Variants in MROH9 observed in about 807,000 individuals in gnomAD.
MROH9 encodes the protein maestro heat like repeat family member 9.
MROH9 carries 92 observed loss-of-function variants against 98.2 expected under a neutral mutation model. The ratio of observed to expected loss-of-function variants is 0.94; its 90% confidence interval spans 0.79 to 1.11. MROH9 has a LOEUF of 1.11. MROH9 is among the 50% of genes most tolerant of loss of function. The pLI is 0.00. For synonymous variants in MROH9, 397 were observed against 368.9 expected (o/e 1.08, Z -0.87); for missense variants, 1,057 against 1,014.8 (o/e 1.04, Z -0.57).
At chr1:171,023,142 C>T (rs1046522370) in intron 17 of MROH9, among the ~76,000 whole-genome samples, 1 of 152,144 alleles carries the variant, frequency 6.6e-6, no homozygotes, top group Non-Finnish European at 1.5e-5. Context: ...GTTGTTGGAG[C>T]CCAAGAGTTA....
intron 12 of MROH9, among the ~76,000 whole-genome samples, 155 bp from the exon 13 acceptor site, chr1:170,995,234 G>A (rs551077418): frequency 6.6e-6 from 1 of 152,270 alleles, no homozygotes; most frequent in East Asian, 1.9e-4. Flanking sequence ...TGTAACGGCT[G>A]TTATTAAATG....
intron 20 of MROH9, among the ~76,000 whole-genome samples, chr1:171,026,157 G>A (rs1216766759): frequency 2.0e-5 from 3 of 151,926 alleles, no homozygotes; most frequent in East Asian, 1.9e-4. Flanking sequence ...TAAAGCCCAC[G>A]ATCTGTGTTA....
intron 10 of MROH9, among the ~76,000 whole-genome samples, 185 bp from the exon 11 acceptor site, chr1:170,989,670 C>T (rs1273044084): frequency 6.6e-6 from 1 of 152,212 alleles, no homozygotes; most frequent in Non-Finnish European, 1.5e-5. Context: ...AGTCTTCATC[C>T]AGATGAATAT....
At chr1:170,991,210 T>A (rs1263372598) in intron 11 of MROH9, among the ~76,000 whole-genome samples, 1 of 152,074 alleles carries the variant, frequency 6.6e-6, no homozygotes, top group African/African-American at 2.4e-5. Flanking sequence ...CAGGTCTAAT[T>A]CTATGTGAGG....
At chr1:171,057,414 A>G (rs1412645410) in intron 20 of MROH9, among the ~76,000 whole-genome samples, 1 of 152,228 alleles carries the variant, frequency 6.6e-6, no homozygotes, top group Admixed American at 6.5e-5. Flanking sequence ...GCAAGATTAG[A>G]GAAAAAAGAA....
At chr1:171,016,428 C>T (rs7882102) in intron 17 of MROH9, 92 bp downstream of exon 17, 130,449 of 960,684 alleles carry the variant, frequency 0.14, 13,256 homozygotes, top group African/African-American at 0.49. Context: ...ACAGAATAAG[C>T]CAATAGGAGA....
At chr1:171,036,720 C>CA (rs1172232231) in intron 20 of MROH9, among the ~76,000 whole-genome samples, 1 of 144,280 alleles carries the variant, frequency 6.9e-6, no homozygotes, top group Non-Finnish European at 1.5e-5. Context: ...AATTTTATTA[C>CA]AAAAAATAAA....
At chr1:170,982,105 A>G (rs1257320710) in intron 8 of MROH9, among the ~76,000 whole-genome samples, 2 of 152,200 alleles carry the variant, frequency 1.3e-5, no homozygotes, top group African/African-American at 4.8e-5. Flanking sequence ...CCTGAGAGAA[A>G]TGAAAGCAAT....
Position 171,024,068 on chromosome 1 carries a change from C to T in MROH9, c.1909-327C>T, listed in dbSNP as rs570230627. On this transcript the variant is annotated intron_variant, in intron 17 of 21. Transcript: ENST00000367759. ...GTCCTCCAAGTTCATCCATGTCATA[C>T]ATGACAGGATTTTATTCTTTTTTAA... Among the ~76,000 whole-genome samples the T allele has an allele frequency of 2.0e-5, 3 of 152,228 alleles. No individual in the cohort carries two copies. In the East Asian group the frequency reaches 5.8e-4, roughly 29 times the overall value.
intron 21 of MROH9, 70 bp downstream of exon 21, chr1:171,062,264 C>G (rs1654038320): frequency 8.9e-7 from 1 of 1,123,502 alleles, no homozygotes; most frequent in Non-Finnish European, 1.3e-6. Context: ...TAATTCTAGT[C>G]ACATATGAGT....
intron 8 of MROH9, among the ~76,000 whole-genome samples, chr1:170,981,957 G>A (rs1650947840): frequency 6.6e-6 from 1 of 152,102 alleles, no homozygotes; most frequent in Non-Finnish European, 1.5e-5. Context: ...GTGTTGTTAA[G>A]GATGTCACTG....
At chr1:171,023,440 A>G (rs1353165548) in intron 17 of MROH9, among the ~76,000 whole-genome samples, 1 of 152,146 alleles carries the variant, frequency 6.6e-6, no homozygotes, top group Non-Finnish European at 1.5e-5. Context: ...TATTATAAGT[A>G]TCCTTACAAA....
chr1:170,954,917 GAGCAGT>G (rs1274821837), intron 3 of MROH9, among the ~76,000 whole-genome samples: 3 of 151,812 alleles, frequency 2.0e-5, no homozygotes, highest in African/African-American at 7.3e-5. Flanking sequence ...CCCATCATCT[GAGCAGT>G]ATACACTGCA....
At chr1:170,981,285 AT>A (rs1461956837) in intron 8 of MROH9, among the ~76,000 whole-genome samples, 1 of 152,220 alleles carries the variant, frequency 6.6e-6, no homozygotes, top group Non-Finnish European at 1.5e-5. Flanking sequence ...AATATAGATC[AT>A]TCTACTATAA....
At position 170,986,569 on chromosome 1, in the gene MROH9, G is replaced by T; in HGVS notation, c.738G>T (p.Gly246=). 2 of 1,613,236 alleles carry T rather than the reference G, an allele frequency of 1.2e-6. No homozygotes were observed. Among genetic ancestry groups the T allele is most frequent in the Non-Finnish European group, 1.7e-6 (2 of 1,179,586 alleles). Residue 246 remains glycine, a synonymous_variant, in exon 10 of 22, where the codon GGG becomes GGT. Transcript: ENST00000367759. ...ATCCTTTGTGGTTGCAGAGAGTAGG[G>T]CAAACCTTACTGCCTCCCTTGCTGA... ...QDESKIAQRV[G]QTLLPPLLTD...
intron 1 of MROH9, among the ~76,000 whole-genome samples, chr1:170,937,952 T>G (rs980107051): frequency 6.6e-6 from 1 of 152,212 alleles, no homozygotes; most frequent in South Asian, 2.1e-4. Context: ...TCACTAGTAG[T>G]CCTACCTGCA....
chr1:171,001,441 G>T (rs79258701), intron 15 of MROH9, among the ~76,000 whole-genome samples: 8,993 of 152,082 alleles, frequency 0.059, 400 homozygotes, highest in Non-Finnish European at 0.087. Context: ...TTGATACATT[G>T]TGTCATTATT....
chr1:171,006,822 T>A (rs917954039), intron 15 of MROH9, among the ~76,000 whole-genome samples: 1 of 61,954 alleles, frequency 1.6e-5, no homozygotes, highest in Non-Finnish European at 3.5e-5. Flanking sequence ...TGTTTTGTTA[T>A]TTTTTTTTTA....
At chr1:171,027,217 C>T (rs1652744045) in intron 20 of MROH9, among the ~76,000 whole-genome samples, 1 of 152,186 alleles carries the variant, frequency 6.6e-6, no homozygotes, top group African/African-American at 2.4e-5. Context: ...CCCCCACCTC[C>T]CAACAGGCTC....
Sources: gnomAD v4.1 joint callset for allele counts (sites outside exome capture counted in the v4.1 genomes callset) on GRCh38, gnomAD v4.1.1 for gene constraint, MANE v1.5 for transcripts, NCBI Gene and HGNC (gene_info 2026-07-23, HGNC 2026-07-21) for gene names.